DENND4C: variants seen among roughly 807,000 people sequenced by gnomAD.
DENND4C encodes the protein DENN domain-containing protein 4C.
A neutral mutation model predicts 203.0 loss-of-function variants in DENND4C; 108 were observed. The observed-to-expected ratio is 0.53, with a 90% CI of 0.46 to 0.62. DENND4C has a LOEUF of 0.62. Ranked by LOEUF, DENND4C falls within the 20% of genes least tolerant of loss-of-function variation. The pLI is 0.00. For synonymous variants in DENND4C, 871 were observed against 792.4 expected (o/e 1.10, Z -1.67); for missense variants, 2,481 against 2,301.2 (o/e 1.08, Z -1.60).
intron 27 of DENND4C, 84 bp from the exon 28 acceptor site, chr9:19,357,881 T>A: frequency 9.3e-7 from 1 of 1,074,316 alleles, no homozygotes; most frequent in African/African-American, 1.6e-5. Flanking sequence ...AGACTCAAGG[T>A]CCATTGTAGA....
In DENND4C at chr9:19,346,402, T is replaced by A. The variant is rs755691434; in HGVS notation, c.3633T>A (p.Asp1211Glu). Residue 1211 changes from aspartate (D) to glutamate (E), a missense_variant, in exon 23 of 33, where the codon GAT becomes GAA. Around this residue, in one of 3 missense-constraint regions of DENND4C, gnomAD observed 2,289 missense variants for 2,113.3 expected, o/e 1.08. Coordinates refer to ENST00000434457, the MANE Select transcript of DENND4C (RefSeq NM_001330640.2). ...TVDTYESLLS[D>E]SNSNQSRDLK... ...ATACATATGAGAGTCTACTAAGTGATAGTAACAGTAATCAGTCCAGAGACT... is the reference window on the plus strand; with the variant it reads ...ATACATATGAGAGTCTACTAAGTGAAAGTAACAGTAATCAGTCCAGAGACT... 6.2e-7 allele frequency: 1 copy of A among 1,614,116 alleles called. No homozygotes were observed. Among genetic ancestry groups the A allele is most frequent in the Admixed American group, 1.7e-5 (1 of 60,012 alleles).
At chr9:19,326,908 G>A (rs544272126) in intron 15 of DENND4C, among the ~76,000 whole-genome samples, 27 of 152,080 alleles carry the variant, frequency 1.8e-4, no homozygotes, top group African/African-American at 6.5e-4. Flanking sequence ...CATTTATTAT[G>A]ATTTATTTAA....
At position 19,294,449 on chromosome 9, in the gene DENND4C, A is replaced by G. The variant is rs1371711501; in HGVS notation, c.802-1559A>G. Reference sequence around the variant, plus strand: ...TCAACATTGCTGATGAGAAAGTCAAATGCTGCTGCTGTGGAAAACAGTTTG... The same window carrying G: ...TCAACATTGCTGATGAGAAAGTCAAGTGCTGCTGCTGTGGAAAACAGTTTG... On this transcript the variant is annotated intron_variant, in intron 5 of 32. Coordinates refer to ENST00000434457, the MANE Select transcript of DENND4C (RefSeq NM_001330640.2). Among the ~76,000 whole-genome samples, 3 of 152,236 alleles carry G rather than the reference A, an allele frequency of 2.0e-5. No individual in the cohort carries two copies. In the East Asian group the frequency reaches 5.8e-4, roughly 29 times the overall value.
intron 21 of DENND4C, among the ~76,000 whole-genome samples, chr9:19,341,925 C>T (rs572210219): frequency 3.3e-5 from 5 of 152,136 alleles, no homozygotes; most frequent in African/African-American, 9.6e-5. Context: ...GCGTTTGAGA[C>T]CAGCCTGGCC....
At chr9:19,334,945 A>G in intron 17 of DENND4C, 32 bp from the exon 18 acceptor site, 1 of 1,568,698 alleles carries the variant, frequency 6.4e-7, no homozygotes, top group Non-Finnish European at 8.6e-7. Context: ...TTAGTATACT[A>G]ATTACTGACA....
intron 1 of DENND4C, among the ~76,000 whole-genome samples, chr9:19,259,159 C>T (rs1219182502): frequency 2.0e-5 from 3 of 152,062 alleles, no homozygotes; most frequent in Non-Finnish European, 2.9e-5. Flanking sequence ...TGACTGTAGT[C>T]ATCCTGTTGT....
At chr9:19,314,539 C>G (rs189028605) in intron 10 of DENND4C, among the ~76,000 whole-genome samples, 2 of 152,138 alleles carry the variant, frequency 1.3e-5, no homozygotes, top group East Asian at 3.9e-4. Flanking sequence ...AACCAGACAC[C>G]ACCTGTTCCC....
intron 9 of DENND4C, 52 bp downstream of exon 9, chr9:19,300,383 C>T: frequency 7.2e-7 from 1 of 1,392,934 alleles, no homozygotes; most frequent in East Asian, 2.5e-5. Flanking sequence ...AATTTTTACT[C>T]CAAAGGGAAA....
chr9:19,289,713 C>G (rs556093473), intron 4 of DENND4C, among the ~76,000 whole-genome samples: 1 of 151,660 alleles, frequency 6.6e-6, no homozygotes, highest in South Asian at 2.1e-4. Flanking sequence ...TCTGTAGTCC[C>G]AGCTACTTGG....
chr9:19,336,743 A>G lies in DENND4C; in HGVS notation c.2792A>G (p.Asp931Gly), dbSNP rs144201342. ...GACACGGTGAGCCACGGTAGTGTGG[A>G]TAGTTCTAATGATGCTAACAATGGG... Reference protein sequence around the residue: ...DGDTVSHGSVDSSNDANNGEH... With the variant: ...DGDTVSHGSVGSSNDANNGEH... The change falls in exon 20 of 33, where the codon GAT becomes GGT. Residue 931 changes from aspartate to glycine, a missense_variant. Physicochemically the swap from Asp to Gly is moderately conservative, Grantham distance 94. This residue lies in a region of DENND4C where 2,289 missense variants were observed against 2,113.3 expected (regional missense o/e 1.08). Transcript: ENST00000434457. 1.4e-4 allele frequency: 212 copies of G among 1,551,030 alleles called. No homozygotes were observed. In the East Asian group the frequency reaches 4.8e-3, roughly 35 times the overall value.
At chr9:19,314,530 A>T (rs1841399494) in intron 10 of DENND4C, among the ~76,000 whole-genome samples, 1 of 152,172 alleles carries the variant, frequency 6.6e-6, no homozygotes, top group Admixed American at 6.5e-5. Context: ...AATTCATGTA[A>T]CCAGACACCA....
intron 1 of DENND4C, among the ~76,000 whole-genome samples, chr9:19,247,414 A>C (rs181622291): frequency 2.6e-5 from 4 of 152,228 alleles, no homozygotes; most frequent in Non-Finnish European, 4.4e-5. Flanking sequence ...TTCGTTTTTC[A>C]AGACAGGGTC....
chr9:19,318,538 G>A (rs139583783), intron 12 of DENND4C, among the ~76,000 whole-genome samples: 15 of 152,298 alleles, frequency 9.8e-5, no homozygotes, highest in Non-Finnish European at 1.8e-4. Context: ...AAGGTCTGCG[G>A]ATTTGTTTGC....
intron 10 of DENND4C, among the ~76,000 whole-genome samples, chr9:19,313,196 CTTAAAA>C (rs993653919): frequency 6.6e-5 from 10 of 151,988 alleles, no homozygotes; most frequent in Non-Finnish European, 1.2e-4. Flanking sequence ...GTACTTAGAA[CTTAAAA>C]TTAATATTTT....
chr9:19,258,759 A>G (rs1828620668), intron 1 of DENND4C, among the ~76,000 whole-genome samples: 1 of 151,320 alleles, frequency 6.6e-6, no homozygotes, highest in Admixed American at 6.6e-5. Flanking sequence ...GGTTCAGGAG[A>G]TTCTCCTGCC....
chr9:19,244,218 A>G (rs1193505845), intron 1 of DENND4C, among the ~76,000 whole-genome samples: 1 of 151,948 alleles, frequency 6.6e-6, no homozygotes, highest in Admixed American at 6.6e-5. Context: ...TTGAGTAGAG[A>G]TGGGATTTTG....
At chr9:19,254,833 A>C (rs1236710996) in intron 1 of DENND4C, among the ~76,000 whole-genome samples, 2 of 152,176 alleles carry the variant, frequency 1.3e-5, no homozygotes, top group African/African-American at 4.8e-5. Flanking sequence ...ATGTTTTAAA[A>C]TTAAAAAGTT....
chr9:19,331,980 A>G lies in DENND4C; in HGVS notation c.2256A>G (p.Glu752=). 1 of 1,612,582 alleles carries G rather than the reference A, an allele frequency of 6.2e-7. No individual in the cohort carries two copies. The change falls in exon 17 of 33, where the codon GAA becomes GAG. Residue 752 remains glutamate, a splice_region_variant and synonymous_variant. Transcript: ENST00000434457. The part of the protein sequence containing the change: ...PPLMAKRTKQ[E]IKTAHKLAKR... ...ATAATATTTTATTCTCTTTCTAGGAAATAAAAACAGCTCATAAATTGGCGA... is the reference window on the plus strand; with the variant it reads ...ATAATATTTTATTCTCTTTCTAGGAGATAAAAACAGCTCATAAATTGGCGA...
At chr9:19,289,603 C>T (rs945846783) in intron 4 of DENND4C, among the ~76,000 whole-genome samples, 2 of 152,018 alleles carry the variant, frequency 1.3e-5, no homozygotes, top group Admixed American at 6.6e-5. Context: ...GTGAGGCGGG[C>T]AGATCGCTTG....
Sources: gnomAD v4.1 joint callset for allele counts (sites outside exome capture counted in the v4.1 genomes callset) on GRCh38, gnomAD v4.1.1 for gene constraint, gnomAD v4.1.1 regional missense constraint, MANE v1.5 for transcripts, NCBI Gene and HGNC (gene_info 2026-07-23, HGNC 2026-07-21) for gene names.